The following FAM81A variants were observed in gnomAD, a reference collection of about 807,000 sequenced individuals.
FAM81A encodes the protein protein FAM81A.
A neutral mutation model predicts 46.7 loss-of-function variants in FAM81A; 19 were observed. The observed-to-expected ratio is 0.41, with a 90% CI of 0.28 to 0.60. FAM81A has a LOEUF of 0.60. Among genes scored for constraint, FAM81A ranks in the 20% least tolerant of loss-of-function variants. FAM81A has a pLI of 0.34. For synonymous variants in FAM81A, 183 were observed against 152.9 expected, an observed-to-expected ratio of 1.20 and a Z score of -1.45; for missense variants, 377 against 453.5, an observed-to-expected ratio of 0.83 and a Z score of 1.53.
At chr15:59,509,004 A>C (rs375669735) in intron 6 of FAM81A, 35 bp downstream of exon 6, 209 of 1,535,528 alleles carry the variant, frequency 1.4e-4, no homozygotes, top group Non-Finnish European at 1.8e-4. Flanking sequence ...ATAAAACTTA[A>C]AGTTCTTTAT....
chr15:59,458,987 C>G (rs1253408654), intron 2 of FAM81A, among the ~76,000 whole-genome samples: 2 of 152,200 alleles, frequency 1.3e-5, no homozygotes, highest in Non-Finnish European at 2.9e-5. Context: ...CATTGCTTGG[C>G]CTAGCATGTT....
At chr15:59,512,868 C>T (rs751538613) in intron 6 of FAM81A, among the ~76,000 whole-genome samples, 6 of 152,210 alleles carry the variant, frequency 3.9e-5, no homozygotes, top group South Asian at 4.1e-4. Context: ...ACTGGAAAGG[C>T]GTGCTTATGA....
rs2141821715 is a variant in FAM81A, at chr15:59,508,879, A to G, written c.560A>G (p.Asn187Ser). The change falls in exon 6 of 9, where the codon AAC becomes AGC. Residue 187 changes from asparagine to serine, a missense_variant. Physicochemically the swap from Asn to Ser is conservative, Grantham distance 46. Transcript: ENST00000288228. Reference sequence around the variant, plus strand: ...CTTTTCCAGATTTCTCAGCTTTTGAACAGAGTGGACTTGTCAATATCAGAG... The same window carrying G: ...CTTTTCCAGATTTCTCAGCTTTTGAGCAGAGTGGACTTGTCAATATCAGAG... ...DAEGQISQLL[N>S]RVDLSISEQS... The G allele has an allele frequency of 4.3e-6, 7 of 1,612,252 alleles. No homozygotes were observed. Among genetic ancestry groups the G allele is most frequent in the Non-Finnish European group, 3.4e-6 (4 of 1,179,046 alleles).
rs1287325925 is a variant in FAM81A at position 59,460,351 on chromosome 15, C to T, written c.294+145C>T. On this transcript the variant is annotated intron_variant, in intron 3 of 8. Coordinates refer to ENST00000288228, the MANE Select transcript of FAM81A (RefSeq NM_152450.3). The surrounding 1 kb of genome is among the most constrained non-coding windows in gnomAD (Gnocchi z 4.4). Reference sequence around the variant, plus strand: ...TGTCTTGTCTATTCTTAATGATCGCCAAGGAGACAGCTTGCAGAAATATCC... The same window carrying T: ...TGTCTTGTCTATTCTTAATGATCGCTAAGGAGACAGCTTGCAGAAATATCC... The T allele has an allele frequency of 1.9e-6, 2 of 1,061,174 alleles. No individual in the cohort carries two copies. Among genetic ancestry groups the T allele is most frequent in the Admixed American group, 3.4e-5 (2 of 58,408 alleles). 65.7% of individuals were successfully genotyped at this position (1,061,174 alleles called of 1,614,324 possible).
chr15:59,490,831 C>A (rs1345812505), intron 3 of FAM81A, among the ~76,000 whole-genome samples: 1 of 152,138 alleles, frequency 6.6e-6, no homozygotes, highest in African/African-American at 2.4e-5. Context: ...GAGACTTAGT[C>A]TCAAAAAGCA....
At chr15:59,436,497 C>T (rs2081244139), upstream of FAM81A, among the ~76,000 whole-genome samples, 1 of 152,108 alleles carries the variant, frequency 6.6e-6, no homozygotes, top group Non-Finnish European at 1.5e-5. Context: ...CTGAGATGCT[C>T]TCCATATGCA....
chr15:59,462,361 G>T (rs745839946), intron 3 of FAM81A, among the ~76,000 whole-genome samples: 4 of 152,018 alleles, frequency 2.6e-5, no homozygotes, highest in Non-Finnish European at 4.4e-5. Context: ...ATGTGTAGTG[G>T]TATCTCATTG....
intron 2 of FAM81A, chr15:59,407,886 TG>T: frequency 5.1e-6 from 1 of 197,976 alleles, no homozygotes. Flanking sequence ...AGTAGCTCTT[TG>T]GGGGTCCAAG....
At chr15:59,472,907 G>C (rs2081715031) in intron 3 of FAM81A, among the ~76,000 whole-genome samples, 1 of 152,130 alleles carries the variant, frequency 6.6e-6, no homozygotes, top group Admixed American at 6.5e-5. Flanking sequence ...TATTAAGAAT[G>C]ATCTTTTCAG....
Position 59,480,967 on chromosome 15 carries a change from A to G in FAM81A, c.295-11304A>G, listed in dbSNP as rs1056207691. Reference sequence around the variant, plus strand: ...AATGTCAGGTAGGATTCTTTCCTGTATTCTTCAAAGCACTTCTTTCTTAAA... The same window carrying G: ...AATGTCAGGTAGGATTCTTTCCTGTGTTCTTCAAAGCACTTCTTTCTTAAA... On this transcript the variant is annotated intron_variant, in intron 3 of 8. Coordinates refer to ENST00000288228, the MANE Select transcript of FAM81A (RefSeq NM_152450.3). Among the ~76,000 whole-genome samples the G allele has an allele frequency of 2.6e-5, 4 of 152,096 alleles. No individual in the cohort carries two copies. The South Asian group carries it at 8.3e-4, about 32-fold the overall frequency.
chr15:59,467,962 A>G (rs879486345), intron 3 of FAM81A, among the ~76,000 whole-genome samples: 1 of 152,150 alleles, frequency 6.6e-6, no homozygotes, highest in African/African-American at 2.4e-5. Context: ...ATCTATTGAG[A>G]TAATCATGTG....
chr15:59,460,950 C>T lies in FAM81A; in HGVS notation c.294+744C>T, dbSNP rs766965987. Reference sequence around the variant, plus strand: ...TGGAGATTATATCTGAATTATGCTTCCTAAAATTAAACCTCATTTCTTTTT... The same window carrying T: ...TGGAGATTATATCTGAATTATGCTTTCTAAAATTAAACCTCATTTCTTTTT... On this transcript the variant is annotated intron_variant, in intron 3 of 8. Transcript: ENST00000288228. This position sits in a 1 kb window ranked among gnomAD's most constrained non-coding sequence, Gnocchi z 4.4. Among the ~76,000 whole-genome samples, 1 of 152,144 alleles carries T rather than the reference C, an allele frequency of 6.6e-6. No individual in the cohort carries two copies. Among genetic ancestry groups the T allele is most frequent in the African/African-American group, 2.4e-5 (1 of 41,432 alleles).
At chr15:59,503,551 T>G (rs1211738749) in intron 4 of FAM81A, among the ~76,000 whole-genome samples, 1 of 152,042 alleles carries the variant, frequency 6.6e-6, no homozygotes, top group Admixed American at 6.6e-5. Context: ...GCTACATCTA[T>G]GTACTATAAG....
At chr15:59,505,162 T>A (rs1222435798) in intron 4 of FAM81A, among the ~76,000 whole-genome samples, 2 of 152,142 alleles carry the variant, frequency 1.3e-5, no homozygotes, top group African/African-American at 4.8e-5. Context: ...TCTGAGTGAG[T>A]TCCTTGCTAC....
At chr15:59,502,485 CTGTGTGTGTGTGTGTGTGTGTGTGTGTG>C (rs71119478) in intron 4 of FAM81A, among the ~76,000 whole-genome samples, 1 of 138,206 alleles carries the variant, frequency 7.2e-6, no homozygotes, top group African/African-American at 2.7e-5. Flanking sequence ...GTTGACTTCA[CTGTGTGTGTGTGTGTGTGTGTGTGTGTG>C]TGTGTGTGTG....
At chr15:59,467,616 G>T (rs1380800993) in intron 3 of FAM81A, among the ~76,000 whole-genome samples, 1 of 152,184 alleles carries the variant, frequency 6.6e-6, no homozygotes, top group East Asian at 1.9e-4. Context: ...GGGCTGAGAT[G>T]ATGGGGTTTT....
intron 1 of FAM81A, among the ~76,000 whole-genome samples, chr15:59,451,806 C>A (rs769614674): frequency 4.0e-5 from 3 of 75,670 alleles, no homozygotes; most frequent in Non-Finnish European, 8.2e-5. Flanking sequence ...GCTGTGTATA[C>A]CATCCTCCTT....
chr15:59,521,166 C>T (rs2082323853), intron 8 of FAM81A, 88 bp from the exon 9 acceptor site: 7 of 1,412,942 alleles, frequency 5.0e-6, no homozygotes. Context: ...TAATTTTTGC[C>T]TGAATCAACC....
intron 4 of FAM81A, among the ~76,000 whole-genome samples, chr15:59,501,642 G>T (rs563734136): frequency 5.3e-5 from 8 of 152,272 alleles, no homozygotes; most frequent in Non-Finnish European, 8.8e-5. Flanking sequence ...AGACGTTTGG[G>T]ACTCTCTAGA....
Sources: gnomAD v4.1 joint callset for allele counts (sites outside exome capture counted in the v4.1 genomes callset) on GRCh38, gnomAD v4.1.1 for gene constraint, Gnocchi (gnomAD v3.1) non-coding constraint, MANE v1.5 for transcripts, NCBI Gene and HGNC (gene_info 2026-07-23, HGNC 2026-07-21) for gene names.